DLGAP2: variants seen among roughly 807,000 people sequenced by gnomAD.
DLGAP2 encodes disks large-associated protein 2.
A neutral mutation model predicts 100.3 loss-of-function variants in DLGAP2; 26 were observed. The ratio of observed to expected loss-of-function variants is 0.26; its 90% confidence interval spans 0.19 to 0.36. The LOEUF (loss-of-function observed/expected upper bound fraction) is 0.36. DLGAP2 is among the 10% of genes least tolerant of loss of function. The pLI is 1.00. For synonymous variants in DLGAP2, 886 were observed against 630.1 expected, an observed-to-expected ratio of 1.41 and a Z score of -6.08; for missense variants, 1,858 against 1,453.2, an observed-to-expected ratio of 1.28 and a Z score of -4.53.
intron 3 of DLGAP2, among the ~76,000 whole-genome samples, chr8:1,312,724 C>G (rs1218491564): frequency 1.3e-5 from 2 of 152,124 alleles, no homozygotes; most frequent in East Asian, 1.9e-4. Flanking sequence ...ATGCACATAC[C>G]TTTTGACTCA....
At chr8:1,460,993 C>G (rs916372650) in intron 3 of DLGAP2, among the ~76,000 whole-genome samples, 2 of 152,204 alleles carry the variant, frequency 1.3e-5, no homozygotes, top group Non-Finnish European at 2.9e-5. Context: ...GTTTCTGCCT[C>G]CATAAACCAA....
chr8:1,601,278 G>T (rs932906018), intron 6 of DLGAP2, among the ~76,000 whole-genome samples: 1 of 152,174 alleles, frequency 6.6e-6, no homozygotes, highest in Non-Finnish European at 1.5e-5. Context: ...CCAGATGCCA[G>T]CCGGAGCTCT....
intron 6 of DLGAP2, among the ~76,000 whole-genome samples, chr8:1,594,112 G>A (rs1796372572): frequency 6.6e-6 from 1 of 152,186 alleles, no homozygotes; most frequent in African/African-American, 2.4e-5. Flanking sequence ...AGAATTGGCT[G>A]AGACCCTCAG....
chr8:1,167,898 T>C (rs949456019), intron 2 of DLGAP2, among the ~76,000 whole-genome samples: 1 of 152,094 alleles, frequency 6.6e-6, no homozygotes, highest in South Asian at 2.1e-4. Context: ...TTTTTTATTA[T>C]ACTTTAAGTT....
rs569123085 is a variant in DLGAP2, at chr8:1,013,680, C to G, written c.73+105714C>G. On this transcript the variant is annotated intron_variant, in intron 2 of 14. Transcript: ENST00000637795. ...GACAGACGCCTCCACTGTGTGAGAC[C>G]AGGACAGACGATGCCTCCATTGTGT... Among the ~76,000 whole-genome samples the G allele has an allele frequency of 3.0e-5, 3 of 99,680 alleles. No homozygotes were observed. The Admixed American group carries it at 3.2e-4, about 11-fold the overall frequency. 65.4% of individuals were successfully genotyped at this position (99,680 alleles called of 152,430 possible).
intron 4 of DLGAP2, among the ~76,000 whole-genome samples, chr8:1,537,717 G>T (rs1801200405): frequency 7.0e-6 from 1 of 143,522 alleles, no homozygotes. Flanking sequence ...ATGGATGGAT[G>T]GATGAAAGGA....
chr8:1,129,604 A>T (rs1796243862), intron 2 of DLGAP2, among the ~76,000 whole-genome samples: 1 of 152,086 alleles, frequency 6.6e-6, no homozygotes, highest in Non-Finnish European at 1.5e-5. Context: ...GGGAAGCCTG[A>T]GTTTGCCAGT....
intron 3 of DLGAP2, among the ~76,000 whole-genome samples, chr8:1,280,839 C>T (rs1209961855): frequency 1.3e-5 from 2 of 152,182 alleles, no homozygotes; most frequent in Non-Finnish European, 2.9e-5. Context: ...ACACATAGGC[C>T]ATCCTAGGGC....
intron 1 of DLGAP2, among the ~76,000 whole-genome samples, chr8:840,420 C>T (rs1469905123): frequency 7.6e-6 from 1 of 132,028 alleles, no homozygotes; most frequent in Non-Finnish European, 1.6e-5. Context: ...ATGGTGCACG[C>T]CTGCACTTTT....
At chr8:948,049 C>T (rs7001618) in intron 2 of DLGAP2, among the ~76,000 whole-genome samples, 1 of 134,084 alleles carries the variant, frequency 7.5e-6, no homozygotes, top group African/African-American at 2.6e-5. Flanking sequence ...CGTCATGACC[C>T]CACCGCGTGT....
At chr8:1,374,106 A>AGGTTAGGTTAGGTTTGCAGAGGG (rs1335781856) in intron 3 of DLGAP2, among the ~76,000 whole-genome samples, 1 of 136,414 alleles carries the variant, frequency 7.3e-6, no homozygotes, top group Admixed American at 7.6e-5. Context: ...TTTGCAGAGG[A>AGGTTAGGTTAGGTTTGCAGAGGG]CTGTGTGGTG....
chr8:1,155,841 C>G (rs1021158550), intron 2 of DLGAP2, among the ~76,000 whole-genome samples: 2 of 152,136 alleles, frequency 1.3e-5, no homozygotes, highest in African/African-American at 4.8e-5. Flanking sequence ...AGTGGGCGAG[C>G]GGCGTGTGTG....
At chr8:1,071,518 A>G (rs1416039169) in intron 2 of DLGAP2, among the ~76,000 whole-genome samples, 1 of 152,212 alleles carries the variant, frequency 6.6e-6, no homozygotes, top group Non-Finnish European at 1.5e-5. Context: ...GACAGGATCC[A>G]GATTTCCCTT....
intron 1 of DLGAP2, among the ~76,000 whole-genome samples, chr8:781,230 A>G (rs560300735): frequency 1.6e-4 from 25 of 152,260 alleles, no homozygotes; most frequent in African/African-American, 5.8e-4. Context: ...GATAGTGCCA[A>G]ATTTATAAGC....
At chr8:1,250,508 C>T (rs1799015453) in intron 2 of DLGAP2, 2 of 152,172 alleles carry the variant, frequency 1.3e-5, no homozygotes, top group African/African-American at 2.4e-5. Context: ...CTGAGGATAG[C>T]TGAGCATCCG....
intron 2 of DLGAP2, among the ~76,000 whole-genome samples, chr8:1,129,688 G>A (rs1253578704): frequency 1.3e-5 from 2 of 152,134 alleles, no homozygotes; most frequent in African/African-American, 2.4e-5. Flanking sequence ...GATACAGTTC[G>A]AGTTGGTGCT....
chr8:1,485,485 C>T (rs891856583), intron 3 of DLGAP2, among the ~76,000 whole-genome samples: 45 of 152,256 alleles, frequency 3.0e-4, no homozygotes, highest in Non-Finnish European at 1.3e-4. Flanking sequence ...AAGTAATGGA[C>T]TCGCTGGATG....
In DLGAP2 at chr8:1,209,777, A is replaced by G. The variant is rs138736674; in HGVS notation, c.74-49074A>G. ...GTCATAAGTGAGCTTATTTTGCACA[A>G]CTGTGATGGTCTGACTTGTCTGTAT... On this transcript the variant is annotated intron_variant, in intron 2 of 14. Transcript: ENST00000637795. 7.0e-4 allele frequency among the ~76,000 whole-genome samples: 107 copies of G among 152,254 alleles called. 2 individuals are homozygous for G. The South Asian group carries it at 0.012, about 17-fold the overall frequency.
intron 2 of DLGAP2, among the ~76,000 whole-genome samples, chr8:1,013,579 C>T (rs917235860): frequency 4.0e-5 from 6 of 151,570 alleles, no homozygotes; most frequent in African/African-American, 1.5e-4. Flanking sequence ...GTGACCTGGC[C>T]CAGCAAACGG....
Sources: allele counts gnomAD v4.1 joint callset (sites outside exome capture counted in the v4.1 genomes callset), GRCh38; gene constraint gnomAD v4.1.1; transcripts MANE v1.5; gene names NCBI Gene and HGNC (gene_info 2026-07-23, HGNC 2026-07-21).